Variants in PHLDB2 observed in about 807,000 individuals in gnomAD.
PHLDB2 encodes pleckstrin homology like domain family B member 2, also known as pleckstrin homology-like domain family B member 2.
Under a neutral mutation model 123.6 loss-of-function variants are expected in PHLDB2, and 71 were observed. The observed-to-expected ratio is 0.57, with a 90% confidence interval of 0.47 to 0.70. The LOEUF (loss-of-function observed/expected upper bound fraction) is 0.70. Ranked by LOEUF, PHLDB2 falls within the 30% of genes least tolerant of loss-of-function variation. PHLDB2 has a pLI of 0.00. For synonymous variants in PHLDB2, 547 were observed against 541.6 expected (o/e 1.01, Z -0.14); for missense variants, 1,446 against 1,519.5 (o/e 0.95, Z 0.80).
At position 111,880,618 on chromosome 3, in the gene PHLDB2, G is replaced by A. The variant is rs188341484; in HGVS notation, c.-14-3446G>A. Among the ~76,000 whole-genome samples, 55 of 152,106 alleles carry A rather than the reference G, an allele frequency of 3.6e-4. 2 individuals carry two copies. The highest frequency in any genetic ancestry group is 1.5e-4 in the Non-Finnish European group (10 of 68,000). ...GCATATGCACAAAGTGGTAGAGTAAGTCTGTCCTTTGCTGCCTTAAATCCT... is the reference window on the plus strand; with the variant it reads ...GCATATGCACAAAGTGGTAGAGTAAATCTGTCCTTTGCTGCCTTAAATCCT... On this transcript the variant is annotated intron_variant, in intron 1 of 17. Coordinates refer to ENST00000431670, the MANE Select transcript of PHLDB2 (RefSeq NM_001134438.2).
At chr3:111,820,704 T>C (rs1252800076) in intron 1 of PHLDB2, among the ~76,000 whole-genome samples, 1 of 152,182 alleles carries the variant, frequency 6.6e-6, no homozygotes, top group Non-Finnish European at 1.5e-5. Flanking sequence ...TTTCCAGACC[T>C]GGATTCTCCA....
At chr3:111,870,703 AC>A (rs1294821673) in intron 1 of PHLDB2, among the ~76,000 whole-genome samples, 7 of 151,864 alleles carry the variant, frequency 4.6e-5, no homozygotes, top group Non-Finnish European at 1.0e-4. Flanking sequence ...CCACAGAAAT[AC>A]CCCCACAGAA....
intron 11 of PHLDB2, among the ~76,000 whole-genome samples, chr3:111,953,182 G>C (rs751233479): frequency 1.3e-5 from 2 of 152,172 alleles, no homozygotes; most frequent in African/African-American, 4.8e-5. Flanking sequence ...ATAAACTGAG[G>C]TGTATAAGGC....
intron 9 of PHLDB2, among the ~76,000 whole-genome samples, chr3:111,948,697 G>A (rs1249258845): frequency 6.6e-6 from 1 of 152,118 alleles, no homozygotes; most frequent in Non-Finnish European, 1.5e-5. Context: ...TTATACTACA[G>A]TTATCTTGAT....
chr3:111,840,593 A>C (rs1030527235), intron 1 of PHLDB2, among the ~76,000 whole-genome samples: 10 of 152,222 alleles, frequency 6.6e-5, no homozygotes, highest in Non-Finnish European at 1.2e-4. Flanking sequence ...GATAACAGAA[A>C]AGATAAAGAG....
At chr3:111,834,219 TATATATATATTATGTATATA>T (rs1246568994) in intron 1 of PHLDB2, among the ~76,000 whole-genome samples, 631 of 23,538 alleles carry the variant, frequency 0.027, no homozygotes, top group Non-Finnish European at 0.038. Flanking sequence ...GTAATAGAAT[TATATATATATTATGTATATA>T]ATAGAATTAT....
chr3:111,775,295 G>A lies in PHLDB2; in HGVS notation c.-49+42592G>A, dbSNP rs187759154. Among the ~76,000 whole-genome samples the A allele has an allele frequency of 4.2e-4, 64 of 152,184 alleles. 3 individuals carry two copies. In the East Asian group the frequency reaches 0.012, roughly 29 times the overall value. ...TCCACACCCTTAGAAAACAAACATCGAGAACCCAGGTCTAATCTATTCAGT... is the reference window on the plus strand; with the variant it reads ...TCCACACCCTTAGAAAACAAACATCAAGAACCCAGGTCTAATCTATTCAGT... On this transcript the variant is annotated intron_variant, in intron 1 of 17. Transcript: ENST00000393923.
At chr3:111,845,682 G>A in intron 1 of PHLDB2, 3 of 959,258 alleles carry the variant, frequency 3.1e-6, no homozygotes, top group Non-Finnish European at 4.6e-6. Flanking sequence ...CAGGACGTCT[G>A]TTTTTCAACT....
chr3:111,931,980 A>G (rs1312194728), intron 5 of PHLDB2, among the ~76,000 whole-genome samples: 1 of 152,106 alleles, frequency 6.6e-6, no homozygotes, highest in Non-Finnish European at 1.5e-5. Context: ...CAACATGACC[A>G]TTGCTTCCCC....
intron 1 of PHLDB2, among the ~76,000 whole-genome samples, chr3:111,740,307 A>G (rs1000111320): frequency 3.3e-5 from 5 of 152,116 alleles, no homozygotes; most frequent in African/African-American, 1.2e-4. Flanking sequence ...TCTCAGTTGC[A>G]TTTAGAGGCT....
chr3:111,775,985 T>A (rs189502028), intron 1 of PHLDB2, among the ~76,000 whole-genome samples: 6 of 152,156 alleles, frequency 3.9e-5, no homozygotes, highest in Non-Finnish European at 8.8e-5. Context: ...ATTTAGCTCT[T>A]TTTCAGAGAT....
intron 5 of PHLDB2, among the ~76,000 whole-genome samples, chr3:111,928,609 A>G (rs113121525): frequency 0.012 from 1,791 of 152,332 alleles, 44 homozygotes; most frequent in African/African-American, 0.04. Flanking sequence ...ATTGTTATTG[A>G]GCAAATGAAC....
intron 1 of PHLDB2, among the ~76,000 whole-genome samples, chr3:111,832,071 A>G (rs554603405): frequency 6.6e-6 from 1 of 152,186 alleles, no homozygotes; most frequent in South Asian, 2.1e-4. Context: ...TGCAAGCTCT[A>G]TTCATATCAA....
rs1254656521 is a variant in PHLDB2 at position 111,906,737 on chromosome 3, C to G, written c.1336-6582C>G. Among the ~76,000 whole-genome samples, 2 of 152,224 alleles carry G rather than the reference C, an allele frequency of 1.3e-5. 1 individual carries two copies. Among genetic ancestry groups the G allele is most frequent in the Non-Finnish European group, 2.9e-5 (2 of 68,046 alleles). ...CATACAAAATATCAATAGTAATCTG[C>G]ACATAACAAATGTTGGTCAGTTAGT... On this transcript the variant is annotated intron_variant, in intron 2 of 17. Transcript: ENST00000431670.
At chr3:111,831,549 A>G (rs148211706) in intron 1 of PHLDB2, among the ~76,000 whole-genome samples, 71 of 152,320 alleles carry the variant, frequency 4.7e-4, no homozygotes, top group Admixed American at 2.2e-3. Context: ...ACATACCACT[A>G]TAATACCCCA....
In PHLDB2 at chr3:111,948,877, C is replaced by G. The variant is rs898140611; in HGVS notation, c.2488-55C>G. On this transcript the variant is annotated intron_variant, in intron 9 of 17. Coordinates refer to ENST00000431670, the MANE Select transcript of PHLDB2 (RefSeq NM_001134438.2). ...ATTGTACTGGGAACATTAATACTCT[C>G]GCATGCCTCAGCTTTTGCTTTCTTT... is the stretch of plus-strand genomic sequence containing the variant. 1.2e-5 allele frequency: 19 copies of G among 1,568,176 alleles called. No homozygotes were observed. In the South Asian group the frequency reaches 1.3e-4, roughly 11 times the overall value.
At chr3:111,817,808 A>C (rs2062163273) in intron 1 of PHLDB2, among the ~76,000 whole-genome samples, 1 of 152,206 alleles carries the variant, frequency 6.6e-6, no homozygotes. Flanking sequence ...CTGAGTTATA[A>C]GCATCAAATC....
intron 1 of PHLDB2, among the ~76,000 whole-genome samples, chr3:111,737,064 C>T (rs2059519662): frequency 6.6e-6 from 1 of 152,170 alleles, no homozygotes; most frequent in African/African-American, 2.4e-5. Context: ...TAAGGAAGTC[C>T]TTCTACAAAT....
intron 5 of PHLDB2, among the ~76,000 whole-genome samples, chr3:111,923,640 C>T (rs1226744664): frequency 6.6e-6 from 1 of 152,084 alleles, no homozygotes; most frequent in Non-Finnish European, 1.5e-5. Flanking sequence ...TTGCCTTCCA[C>T]CCTCCACCCT....
Sources: gnomAD v4.1 joint callset for allele counts (sites outside exome capture counted in the v4.1 genomes callset) on GRCh38, gnomAD v4.1.1 for gene constraint, MANE v1.5 for transcripts, NCBI Gene and HGNC (gene_info 2026-07-23, HGNC 2026-07-21) for gene names.